CABIN1: variants seen among roughly 807,000 people sequenced by gnomAD.
CABIN1 encodes calcineurin-binding protein cabin-1.
CABIN1 carries 133 observed loss-of-function variants against 227.7 expected under a neutral mutation model. The ratio of observed to expected loss-of-function variants is 0.58; its 90% CI spans 0.51 to 0.67. CABIN1 has a LOEUF of 0.67. Ranked by LOEUF, CABIN1 falls within the 30% of genes least tolerant of loss-of-function variation. CABIN1 has a pLI of 0.00. For synonymous variants in CABIN1, 1,086 were observed against 1,155.1 expected, an observed-to-expected ratio of 0.94 and a Z score of 1.21; for missense variants, 2,408 against 2,852.5, an observed-to-expected ratio of 0.84 and a Z score of 3.55.
chr22:24,147,846 G>A (rs1327541907), intron 29 of CABIN1, among the ~76,000 whole-genome samples: 2 of 152,180 alleles, frequency 1.3e-5, no homozygotes, highest in Non-Finnish European at 2.9e-5. Context: ...GGGCCCAGGT[G>A]CACTGTCTGC....
chr22:24,149,972 G>A (rs2045385709), intron 29 of CABIN1, among the ~76,000 whole-genome samples: 1 of 152,224 alleles, frequency 6.6e-6, no homozygotes, highest in African/African-American at 2.4e-5. Flanking sequence ...ATGAGGCCTC[G>A]GCCTGATGGG....
At chr22:24,147,085 C>G (rs2045166474) in intron 29 of CABIN1, among the ~76,000 whole-genome samples, 1 of 152,378 alleles carries the variant, frequency 6.6e-6, no homozygotes, top group East Asian at 1.9e-4. Context: ...CCACAGCCCC[C>G]TCTGCCCCCA....
At position 24,084,738 on chromosome 22, in the gene CABIN1, C is replaced by G; in HGVS notation, c.3070C>G (p.Leu1024Val). The part of the protein sequence containing the change: ...TIVPRTERPA[L>V]SLDKVSAYIE... ...TGTGCCTCGCACAGAGAGGCCAGCC[C>G]TTAGCCTGGACAAAGTCTCTGCCTA... The change falls in exon 21 of 37, where the codon CTT (leucine) becomes GTT (valine). Residue 1024 changes from leucine to valine, a missense_variant. Leu to Val is a conservative substitution (Grantham distance 32). This residue lies in a region of CABIN1 where 649 missense variants were observed against 910.3 expected (regional missense o/e 0.71). Transcript: ENST00000263119. 6.2e-7 allele frequency: 1 copy of G among 1,614,256 alleles called. No homozygotes were observed. Among genetic ancestry groups the G allele is most frequent in the Non-Finnish European group, 8.5e-7 (1 of 1,180,042 alleles).
At chr22:24,029,855 T>A (rs1236276591) in intron 1 of CABIN1, among the ~76,000 whole-genome samples, 4 of 152,170 alleles carry the variant, frequency 2.6e-5, no homozygotes, top group Non-Finnish European at 5.9e-5. Flanking sequence ...TATGCCTCAG[T>A]TCAGTATGTG....
At chr22:24,042,412 CT>C (rs1043581919) in intron 5 of CABIN1, among the ~76,000 whole-genome samples, 5 of 152,118 alleles carry the variant, frequency 3.3e-5, no homozygotes, top group African/African-American at 1.2e-4. Context: ...AAGACCGTGT[CT>C]CTACAAAAAA....
chr22:24,067,318 C>T, intron 16 of CABIN1, 137 bp downstream of exon 16: 1 of 903,860 alleles, frequency 1.1e-6, no homozygotes, highest in Non-Finnish European at 1.8e-6. Flanking sequence ...ACTAAGCCCC[C>T]AGGAAGATGT....
intron 24 of CABIN1, among the ~76,000 whole-genome samples, chr22:24,093,956 C>T (rs2147274608): frequency 6.6e-6 from 1 of 152,312 alleles, no homozygotes; most frequent in Non-Finnish European, 1.5e-5. Flanking sequence ...ACACAGCTTC[C>T]TGTTGAACGC....
intron 29 of CABIN1, among the ~76,000 whole-genome samples, chr22:24,149,637 G>A (rs2045365065): frequency 1.3e-5 from 2 of 152,232 alleles, no homozygotes; most frequent in Non-Finnish European, 2.9e-5. Flanking sequence ...ATTAAGTTAG[G>A]TCAGAGCAGG....
chr22:24,060,648 G>T (rs2039121228), intron 12 of CABIN1, among the ~76,000 whole-genome samples: 1 of 152,196 alleles, frequency 6.6e-6, no homozygotes, highest in East Asian at 1.9e-4. Flanking sequence ...GTCTTGCTCT[G>T]TTGCCTAGGC....
intron 26 of CABIN1, among the ~76,000 whole-genome samples, chr22:24,100,386 A>G (rs1004327173): frequency 6.6e-6 from 1 of 152,256 alleles, no homozygotes; most frequent in Admixed American, 6.5e-5. Context: ...CCCTTTCAGC[A>G]GCTATACTAG....
chr22:24,097,966 A>G lies in CABIN1; in HGVS notation c.3939-48A>G, dbSNP rs183594688. 12 of 1,612,338 alleles carry G rather than the reference A, an allele frequency of 7.4e-6. No individual in the cohort carries two copies. In the African/African-American group the frequency reaches 1.1e-4, roughly 14 times the overall value. On this transcript the variant is annotated intron_variant, in intron 25 of 36. Transcript: ENST00000263119. ...CCCTTACCAGTACACATCTGTTTCA[A>G]TGTGAGGTGGAGACTCTGACCTGTG...
At chr22:24,124,788 G>A (rs2043616702) in intron 28 of CABIN1, among the ~76,000 whole-genome samples, 2 of 152,160 alleles carry the variant, frequency 1.3e-5, no homozygotes, top group South Asian at 4.1e-4. Context: ...TGCTCTCCCA[G>A]TTGCCTCCTG....
chr22:24,071,889 C>T (rs2040113072), intron 17 of CABIN1, among the ~76,000 whole-genome samples: 3 of 152,184 alleles, frequency 2.0e-5, no homozygotes, highest in African/African-American at 7.2e-5. Context: ...ACTCCTTGCC[C>T]TCCCTGGGTG....
intron 26 of CABIN1, among the ~76,000 whole-genome samples, chr22:24,110,255 G>C (rs904854410): frequency 6.6e-6 from 1 of 152,144 alleles, no homozygotes; most frequent in Non-Finnish European, 1.5e-5. Context: ...TGTTGCCTTA[G>C]GGTTAACAAA....
chr22:24,084,791 C>T lies in CABIN1; in HGVS notation c.3117+6C>T. The T allele has an allele frequency of 6.2e-7, 1 of 1,613,892 alleles. No individual in the cohort carries two copies. Among genetic ancestry groups the T allele is most frequent in the South Asian group, 1.1e-5 (1 of 91,070 alleles). On this transcript the variant is annotated splice_donor_region_variant and intron_variant, in intron 21 of 36. Transcript: ENST00000263119. ...TTGAGGGAACTTCAACTGAGGTGGG[C>T]CCACAACCTTGAGGACGTGGGGGAC... is the stretch of plus-strand genomic sequence containing the variant.
rs187473708 is a variant in CABIN1, at chr22:24,163,875, G to A, written c.4747-525G>A. 2.6e-5 allele frequency among the ~76,000 whole-genome samples: 4 copies of A among 152,350 alleles called. No individual in the cohort carries two copies. In the East Asian group the frequency reaches 7.7e-4, roughly 29 times the overall value. On this transcript the variant is annotated intron_variant, in intron 29 of 36. Transcript: ENST00000263119. ...CTTCAAAGAGGAGTGGGGTAGGATG[G>A]CAAGAAGTGGGAAGAGGGAGGGGGA...
At chr22:24,061,412 A>G (rs1244186402) in intron 12 of CABIN1, among the ~76,000 whole-genome samples, 2 of 152,212 alleles carry the variant, frequency 1.3e-5, no homozygotes, top group Admixed American at 6.5e-5. Context: ...CCCTCCACTG[A>G]GTTACCTCAG....
At chr22:24,176,352 G>A (rs765968690) in intron 35 of CABIN1, 77 bp downstream of exon 35, 36 of 1,494,536 alleles carry the variant, frequency 2.4e-5, no homozygotes, top group Admixed American at 1.2e-4. Context: ...TGGGTTTCCC[G>A]GCCTGGCCTT....
At chr22:24,046,417 G>A (rs1260911171) in intron 6 of CABIN1, among the ~76,000 whole-genome samples, 1 of 152,066 alleles carries the variant, frequency 6.6e-6, no homozygotes, top group African/African-American at 2.4e-5. Flanking sequence ...AGTTGTACAG[G>A]GCTGTGTTTT....
Sources: allele counts gnomAD v4.1 joint callset (sites outside exome capture counted in the v4.1 genomes callset), GRCh38; gene constraint gnomAD v4.1.1; regional missense constraint gnomAD v4.1.1; transcripts MANE v1.5; gene names NCBI Gene and HGNC (gene_info 2026-07-23, HGNC 2026-07-21).